The following ELOVL7 variants were observed in gnomAD, a reference collection of about 807,000 sequenced individuals.
The protein encoded by ELOVL7 is very long chain fatty acid elongase 7.
ELOVL7 carries 27 observed loss-of-function variants against 35.7 expected under a neutral mutation model. That is an observed-to-expected ratio of 0.76 (90% confidence interval 0.56 to 1.04). ELOVL7 has a LOEUF of 1.04. Among genes scored for constraint, ELOVL7 ranks in the 50% least tolerant of loss-of-function variants. The pLI is 0.00. For synonymous variants in ELOVL7, 113 were observed against 114.6 expected (o/e 0.99, Z 0.09); for missense variants, 327 against 340.8 (o/e 0.96, Z 0.32).
At chr5:60,779,900 A>G (rs1004798063) in intron 3 of ELOVL7, among the ~76,000 whole-genome samples, 3 of 152,128 alleles carry the variant, frequency 2.0e-5, no homozygotes, top group African/African-American at 7.2e-5. Flanking sequence ...GATACCCTAA[A>G]TTATCTCTCT....
intron 7 of ELOVL7, among the ~76,000 whole-genome samples, chr5:60,760,927 C>T (rs1225474119): frequency 6.6e-6 from 1 of 152,070 alleles, no homozygotes; most frequent in Non-Finnish European, 1.5e-5. Context: ...TAACAAAGCA[C>T]TAGTGTAGCC....
At chr5:60,804,464 T>C (rs1406999851) in intron 1 of ELOVL7, among the ~76,000 whole-genome samples, 1 of 152,184 alleles carries the variant, frequency 6.6e-6, no homozygotes, top group Non-Finnish European at 1.5e-5. Context: ...GGCCCTACTC[T>C]CAGGCAGCCT....
intron 8 of ELOVL7, among the ~76,000 whole-genome samples, chr5:60,755,258 A>G (rs1425831885): frequency 1.3e-5 from 2 of 152,180 alleles, no homozygotes; most frequent in Non-Finnish European, 2.9e-5. Context: ...CAGATATTTT[A>G]ATTTTTGGAA....
intron 3 of ELOVL7, among the ~76,000 whole-genome samples, chr5:60,776,000 A>G (rs923672649): frequency 6.6e-6 from 1 of 152,228 alleles, no homozygotes; most frequent in African/African-American, 2.4e-5. Flanking sequence ...TAATTAAACT[A>G]AAGAGCTTTT....
chr5:60,774,849 T>A (rs1742812078), intron 3 of ELOVL7, among the ~76,000 whole-genome samples: 1 of 149,764 alleles, frequency 6.7e-6, no homozygotes, highest in Non-Finnish European at 1.5e-5. Flanking sequence ...CACTGCAACC[T>A]CTGCCTCCTG....
chr5:60,795,577 T>G (rs1484226550), intron 2 of ELOVL7, among the ~76,000 whole-genome samples: 1 of 152,188 alleles, frequency 6.6e-6, no homozygotes, highest in Non-Finnish European at 1.5e-5. Flanking sequence ...ACTCTTCTGG[T>G]CCGTGTTTGT....
intron 3 of ELOVL7, among the ~76,000 whole-genome samples, chr5:60,779,659 G>C (rs1305926091): frequency 6.6e-6 from 1 of 152,198 alleles, no homozygotes; most frequent in African/African-American, 2.4e-5. Flanking sequence ...CTCCAGGTCT[G>C]TGACGGGAGG....
At chr5:60,769,145 T>C (rs181613871) in intron 4 of ELOVL7, among the ~76,000 whole-genome samples, 52 of 152,350 alleles carry the variant, frequency 3.4e-4, no homozygotes, top group Non-Finnish European at 6.6e-4. Flanking sequence ...GCACAAGATA[T>C]TTCACGAATG....
chr5:60,844,234 T>C lies in ELOVL7; in HGVS notation c.-160A>G, dbSNP rs35453042. On this transcript the variant is annotated 5_prime_UTR_variant, in exon 1 of 9. Transcript: ENST00000508821. ...GCGACTGGCAGCGCGAGCGCGGAGC[T>C]CCTCACAGCGGCCCCCGCTGTCCCG... 15,900 of 152,008 alleles carry C rather than the reference T, an allele frequency of 0.1. 1,121 individuals are homozygous for C. The highest frequency in any genetic ancestry group is 0.16 in the South Asian group (781 of 4,832). The allele number at this position is 152,008 out of a possible 1,614,324, so 9.4% of individuals were successfully genotyped here. A position where few individuals can be genotyped will look rare whatever the true frequency, so the allele number is the denominator to read the frequency against.
At chr5:60,813,656 TC>T (rs1206302949) in intron 1 of ELOVL7, among the ~76,000 whole-genome samples, 2 of 152,144 alleles carry the variant, frequency 1.3e-5, no homozygotes, top group Admixed American at 1.3e-4. Flanking sequence ...TTTTTTTTTT[TC>T]AGTTAACAGA....
At chr5:60,785,778 T>C (rs1441376948) in intron 3 of ELOVL7, 2 of 152,224 alleles carry the variant, frequency 1.3e-5, no homozygotes, top group East Asian at 1.9e-4. Flanking sequence ...ATAGTCACTA[T>C]GTATCCCCTA....
intron 1 of ELOVL7, among the ~76,000 whole-genome samples, chr5:60,802,316 T>G (rs566309337): frequency 2.0e-5 from 3 of 152,112 alleles, no homozygotes; most frequent in Admixed American, 2.0e-4. Context: ...GGGAGAGATT[T>G]GGATTCAGTT....
intron 3 of ELOVL7, among the ~76,000 whole-genome samples, chr5:60,782,935 A>T (rs145598983): frequency 5.3e-5 from 8 of 152,364 alleles, no homozygotes; most frequent in South Asian, 4.1e-4. Context: ...GTAAATTTCA[A>T]ATGTTTTCAC....
chr5:60,764,094 A>G (rs1742085071), intron 7 of ELOVL7, 133 bp downstream of exon 7: 1 of 676,634 alleles, frequency 1.5e-6, no homozygotes, highest in Non-Finnish European at 2.6e-6. Flanking sequence ...GTAATAATTA[A>G]TGAAATAAGT....
intron 3 of ELOVL7, among the ~76,000 whole-genome samples, chr5:60,780,537 T>C (rs954959701): frequency 1.3e-5 from 2 of 152,110 alleles, no homozygotes; most frequent in African/African-American, 4.8e-5. Flanking sequence ...AGCGCCCCAT[T>C]CTGAGATACC....
In ELOVL7 at chr5:60,764,232, G is replaced by A. The variant is rs757660472; in HGVS notation, c.494C>T (p.Ala165Val). 9 of 1,610,194 alleles carry A rather than the reference G, an allele frequency of 5.6e-6. No homozygotes were observed. The African/African-American group carries it at 9.4e-5, about 17-fold the overall frequency. The part of the protein sequence containing the change: ...PWTWWFGVKF[A>V]AGGLGTFHAL... ...CCCAAATTTCCCTTGTCTACCTGCAGCAAATTTGACTCCAAACCACCAGGT... is the reference window on the plus strand; with the variant it reads ...CCCAAATTTCCCTTGTCTACCTGCAACAAATTTGACTCCAAACCACCAGGT... Residue 165 changes from alanine to valine, a missense_variant, in exon 7 of 9, where the codon GCT becomes GTT. Transcript: ENST00000508821.
Position 60,829,740 on chromosome 5 carries a change from GCTCT to G in ELOVL7, c.-86+14416_-86+14419del, listed in dbSNP as rs374969719. 4.2e-3 allele frequency among the ~76,000 whole-genome samples: 634 copies of G among 152,316 alleles called. 2 individuals are homozygous for G. The highest frequency in any genetic ancestry group is 7.6e-3 in the Non-Finnish European group (519 of 68,016). On this transcript the variant is annotated intron_variant, in intron 1 of 8. Coordinates refer to ENST00000508821, the MANE Select transcript of ELOVL7 (RefSeq NM_024930.3). ...TCATACAACTGAGTGCTCATAATGG[GCTCT>G]CTAAGGGCAGATGATAAACAGGAGT...
At chr5:60,783,308 ATTAGCTCTCCC>A (rs1482203818) in intron 3 of ELOVL7, among the ~76,000 whole-genome samples, 1 of 152,202 alleles carries the variant, frequency 6.6e-6, no homozygotes, top group Non-Finnish European at 1.5e-5. Flanking sequence ...CTCTGATAAA[ATTAGCTCTCCC>A]TTACTGAGAA....
At chr5:60,819,546 C>A (rs182775259) in intron 1 of ELOVL7, among the ~76,000 whole-genome samples, 62 of 152,134 alleles carry the variant, frequency 4.1e-4, no homozygotes, top group African/African-American at 1.4e-3. Context: ...CTTAGGGAGG[C>A]CGAGGTGGGT....
Sources: allele counts gnomAD v4.1 joint callset (sites outside exome capture counted in the v4.1 genomes callset), GRCh38; gene constraint gnomAD v4.1.1; transcripts MANE v1.5; gene names NCBI Gene and HGNC (gene_info 2026-07-23, HGNC 2026-07-21).